The following FBXL7 variants were observed in gnomAD, a reference collection of about 807,000 sequenced individuals.
The protein encoded by FBXL7 is F-box and leucine rich repeat protein 7, also known as F-box/LRR-repeat protein 7.
A neutral mutation model predicts 38.3 loss-of-function variants in FBXL7; 12 were observed. The observed-to-expected ratio is 0.31, with a 90% CI of 0.20 to 0.51. The LOEUF is 0.51. Ranked by LOEUF, FBXL7 falls within the 20% of genes least tolerant of loss-of-function variation. The pLI is 0.98. For missense variants in FBXL7, 567 were observed against 676.4 expected (o/e 0.84, Z 1.79); for synonymous variants, 297 against 300.9 (o/e 0.99, Z 0.13).
chr5:15,742,589 G>C (rs1321805771), intron 2 of FBXL7, among the ~76,000 whole-genome samples: 1 of 152,194 alleles, frequency 6.6e-6, no homozygotes, highest in African/African-American at 2.4e-5. Flanking sequence ...GAACAGGTAG[G>C]ACTACATTGT....
Position 15,527,139 on chromosome 5 carries a change from T to C in FBXL7, c.37+26426T>C, listed in dbSNP as rs562199563. 2.0e-5 allele frequency among the ~76,000 whole-genome samples: 3 copies of C among 152,340 alleles called. No homozygotes were observed. The East Asian group carries it at 5.8e-4, about 29-fold the overall frequency. On this transcript the variant is annotated intron_variant, in intron 1 of 3. Coordinates refer to ENST00000504595, the MANE Select transcript of FBXL7 (RefSeq NM_012304.5). The stretch of plus-strand genomic sequence containing the variant: ...TTTTGTTTCTCTCCATTTTCAGCTT[T>C]TGTTTTGTTTTGCTTTTAAGCTAAC...
intron 2 of FBXL7, among the ~76,000 whole-genome samples, chr5:15,756,851 T>A (rs1736311455): frequency 6.6e-6 from 1 of 152,206 alleles, no homozygotes; most frequent in African/African-American, 2.4e-5. Flanking sequence ...AAATAGCCTT[T>A]ATGGACTAAT....
intron 1 of FBXL7, among the ~76,000 whole-genome samples, chr5:15,558,144 T>A (rs1336869632): frequency 6.6e-6 from 1 of 152,156 alleles, no homozygotes; most frequent in African/African-American, 2.4e-5. Context: ...TAGAATCACA[T>A]GTTTTGTTAT....
At chr5:15,808,550 T>C (rs1017778103) in intron 2 of FBXL7, among the ~76,000 whole-genome samples, 1 of 152,182 alleles carries the variant, frequency 6.6e-6, no homozygotes, top group African/African-American at 2.4e-5. Flanking sequence ...GAGTACCTAG[T>C]AGAGTAAAAG....
intron 2 of FBXL7, among the ~76,000 whole-genome samples, chr5:15,921,224 T>C (rs1391240063): frequency 6.6e-6 from 1 of 151,856 alleles, no homozygotes; most frequent in Non-Finnish European, 1.5e-5. Flanking sequence ...CTACTAAAAA[T>C]ACAAAGATTA....
At chr5:15,789,617 A>C (rs965381339) in intron 2 of FBXL7, among the ~76,000 whole-genome samples, 1 of 152,088 alleles carries the variant, frequency 6.6e-6, no homozygotes, top group Admixed American at 6.5e-5. Flanking sequence ...ACAGCTTTGC[A>C]CCCTCCTGTA....
rs375393698 is a variant in FBXL7 at position 15,532,891 on chromosome 5, A to T, written c.37+32178A>T. On this transcript the variant is annotated intron_variant, in intron 1 of 3. Transcript: ENST00000504595. ...TGGCAGAGCTTTGCTGACAAATGGG[A>T]TGTCAGGATGATAAGGATGAAGATG... Among the ~76,000 whole-genome samples, 20 of 152,342 alleles carry T rather than the reference A, an allele frequency of 1.3e-4. No homozygotes were observed. The East Asian group carries it at 3.9e-3, about 29-fold the overall frequency.
intron 2 of FBXL7, among the ~76,000 whole-genome samples, chr5:15,845,680 A>AT (rs1738876435): frequency 1.3e-5 from 2 of 152,212 alleles, no homozygotes. Flanking sequence ...ATTGAATTTA[A>AT]AAATACAGAG....
chr5:15,570,495 T>C (rs891343564), intron 1 of FBXL7, among the ~76,000 whole-genome samples: 20 of 152,212 alleles, frequency 1.3e-4, no homozygotes, highest in Non-Finnish European at 2.8e-4. Flanking sequence ...TTCCTTTTCT[T>C]CTTTATTAGT....
intron 2 of FBXL7, among the ~76,000 whole-genome samples, chr5:15,762,100 C>T (rs1355299788): frequency 1.3e-5 from 2 of 152,030 alleles, no homozygotes; most frequent in Admixed American, 6.6e-5. Context: ...GGACACCCAG[C>T]GTTTGACTGG....
intron 2 of FBXL7, among the ~76,000 whole-genome samples, chr5:15,901,811 C>G (rs1025066072): frequency 6.6e-6 from 1 of 152,148 alleles, no homozygotes; most frequent in African/African-American, 2.4e-5. Context: ...GAGTTTTAAT[C>G]TGGATATGAT....
intron 2 of FBXL7, among the ~76,000 whole-genome samples, chr5:15,729,052 TTTAA>T (rs1388938020): frequency 2.0e-5 from 3 of 152,130 alleles, no homozygotes; most frequent in Admixed American, 6.5e-5. Context: ...GTGGATCTAA[TTTAA>T]TTAAATGAGA....
chr5:15,522,130 A>G (rs1053007306), intron 1 of FBXL7, among the ~76,000 whole-genome samples: 1 of 152,198 alleles, frequency 6.6e-6, no homozygotes, highest in African/African-American at 2.4e-5. Flanking sequence ...AACTTTGGGC[A>G]TGACTTCTCA....
At chr5:15,781,424 A>C (rs1736987496) in intron 2 of FBXL7, among the ~76,000 whole-genome samples, 1 of 151,234 alleles carries the variant, frequency 6.6e-6, no homozygotes, top group Non-Finnish European at 1.5e-5. Flanking sequence ...GAAAGGAGAA[A>C]TTGTGTGAGT....
intron 1 of FBXL7, among the ~76,000 whole-genome samples, chr5:15,533,803 G>A (rs1337723995): frequency 6.6e-6 from 1 of 152,126 alleles, no homozygotes; most frequent in African/African-American, 2.4e-5. Context: ...AATATAGGGA[G>A]GATTAGGGTT....
chr5:15,689,857 A>G (rs963465260), intron 2 of FBXL7, among the ~76,000 whole-genome samples: 3 of 152,198 alleles, frequency 2.0e-5, no homozygotes, highest in Non-Finnish European at 4.4e-5. Flanking sequence ...GGGATTCTCA[A>G]CCTTGGCTTA....
At chr5:15,556,117 T>A (rs1738233351) in intron 1 of FBXL7, among the ~76,000 whole-genome samples, 1 of 151,896 alleles carries the variant, frequency 6.6e-6, no homozygotes, top group South Asian at 2.1e-4. Flanking sequence ...CTATCTATAT[T>A]GATCCATCAA....
chr5:15,662,863 C>T (rs950088715), intron 2 of FBXL7, among the ~76,000 whole-genome samples: 3 of 152,108 alleles, frequency 2.0e-5, no homozygotes, highest in Non-Finnish European at 4.4e-5. Flanking sequence ...GTCTGTGTGT[C>T]TGTTTTTGCA....
intron 2 of FBXL7, among the ~76,000 whole-genome samples, chr5:15,860,102 TTAAA>T (rs940199350): frequency 6.6e-6 from 1 of 152,172 alleles, no homozygotes; most frequent in Non-Finnish European, 1.5e-5. Context: ...TCTAGAACTA[TTAAA>T]TAAAAAGCAC....
Sources: gnomAD v4.1 joint callset for allele counts (sites outside exome capture counted in the v4.1 genomes callset) on GRCh38, gnomAD v4.1.1 for gene constraint, MANE v1.5 for transcripts, NCBI Gene and HGNC (gene_info 2026-07-23, HGNC 2026-07-21) for gene names.